The following TAF4B variants were observed in gnomAD, a reference collection of about 807,000 sequenced individuals.
TAF4B encodes the protein transcription initiation factor TFIID subunit 4B.
Under a neutral mutation model 86.4 loss-of-function variants are expected in TAF4B, and 38 were observed. The observed-to-expected ratio is 0.44, with a 90% CI of 0.34 to 0.58. The LOEUF (loss-of-function observed/expected upper bound fraction) is 0.58. Among genes scored for constraint, TAF4B ranks in the 20% least tolerant of loss-of-function variants. The pLI is 0.02. For missense variants in TAF4B, 988 were observed against 1,027.6 expected (o/e 0.96, Z 0.53); for synonymous variants, 388 against 391.2 (o/e 0.99, Z 0.10).
intron 10 of TAF4B, 129 bp from the exon 11 acceptor site, chr18:26,320,941 A>G: frequency 8.7e-7 from 1 of 1,152,352 alleles, no homozygotes; most frequent in South Asian, 1.7e-5. Flanking sequence ...TTTACTAGGA[A>G]AATCATAATC....
At position 26,267,613 on chromosome 18, in the gene TAF4B, C is replaced by T. The variant is rs2056258576; in HGVS notation, c.587C>T (p.Ser196Phe). 6.2e-7 allele frequency: 1 copy of T among 1,612,914 alleles called. No homozygotes were observed. Among genetic ancestry groups the T allele is most frequent in the Non-Finnish European group, 8.5e-7 (1 of 1,178,990 alleles). ...GTGGTAACCACTGTTCCGAAGCCTTCCTCAGTACAAGTAAGTTGTGCTGGC... is the reference window on the plus strand; with the variant it reads ...GTGGTAACCACTGTTCCGAAGCCTTTCTCAGTACAAGTAAGTTGTGCTGGC... Reference protein sequence around the residue: ...TTVVTTVPKPSSVQSVAVPTS... With the variant: ...TTVVTTVPKPFSVQSVAVPTS... The change falls in exon 3 of 15, where the codon TCC (serine) becomes TTC (phenylalanine). Residue 196 changes from serine (S) to phenylalanine (F), a missense_variant. Around this residue, in one of 3 missense-constraint regions of TAF4B, gnomAD observed 747 missense variants for 737.9 expected, o/e 1.01. Transcript: ENST00000269142.
intron 14 of TAF4B, among the ~76,000 whole-genome samples, chr18:26,372,275 G>C (rs2057410620): frequency 6.6e-6 from 1 of 152,318 alleles, no homozygotes; most frequent in Admixed American, 6.5e-5. Flanking sequence ...TTTGAAAAAT[G>C]CAAGAGTGGT....
intron 1 of TAF4B, among the ~76,000 whole-genome samples, chr18:26,239,711 A>C (rs1027709190): frequency 3.6e-4 from 55 of 152,318 alleles, no homozygotes; most frequent in Non-Finnish European, 6.6e-4. Context: ...TAGAGTTTTC[A>C]TGGTTTTAGG....
intron 13 of TAF4B, among the ~76,000 whole-genome samples, chr18:26,354,360 C>T (rs983983223): frequency 3.3e-5 from 5 of 152,222 alleles, no homozygotes; most frequent in Admixed American, 3.3e-4. Flanking sequence ...GGTTTGAGCA[C>T]AGCACCCAGC....
At chr18:26,378,071 A>G (rs2057454692) in intron 14 of TAF4B, among the ~76,000 whole-genome samples, 1 of 152,276 alleles carries the variant, frequency 6.6e-6, no homozygotes, top group African/African-American at 2.4e-5. Flanking sequence ...ACCGTTTTCA[A>G]CTGTACTCCT....
At chr18:26,245,823 T>G (rs1162580131) in intron 1 of TAF4B, among the ~76,000 whole-genome samples, 1 of 152,136 alleles carries the variant, frequency 6.6e-6, no homozygotes, top group Non-Finnish European at 1.5e-5. Flanking sequence ...AATGCTTCAT[T>G]TTTTCAACTG....
rs187704811 is a variant in TAF4B, at chr18:26,274,997, G to A, written c.826G>A (p.Gly276Arg). 9 of 1,612,498 alleles carry A rather than the reference G, an allele frequency of 5.6e-6. No individual in the cohort carries two copies. The highest frequency in any genetic ancestry group is 1.3e-5 in the African/African-American group (1 of 75,002). ...AATGTTAATAAAACTAGCATGTAGTGGATCACAGTCCCCAGAAATGGGGCA... is the reference window on the plus strand; with the variant it reads ...AATGTTAATAAAACTAGCATGTAGTAGATCACAGTCCCCAGAAATGGGGCA... ...LAMLIKLACS[G>R]SQSPEMGQNV... The change falls in exon 5 of 15, where the codon GGA becomes AGA. Residue 276 changes from glycine to arginine, a missense_variant. Transcript: ENST00000269142.
rs959270180 is a variant in TAF4B, at chr18:26,299,969, T to G, written c.1832+6438T>G. Among the ~76,000 whole-genome samples, 3 of 152,162 alleles carry G rather than the reference T, an allele frequency of 2.0e-5. No individual in the cohort carries two copies. In the East Asian group the frequency reaches 5.8e-4, roughly 29 times the overall value. ...TAATGTCTATAAAATATGTAGTCTC[T>G]CTCTTTTTATTAGTAGGCTTTTATC... On this transcript the variant is annotated intron_variant, in intron 9 of 14. Transcript: ENST00000269142.
At chr18:26,370,673 A>C (rs1172515469) in intron 14 of TAF4B, among the ~76,000 whole-genome samples, 24 of 152,156 alleles carry the variant, frequency 1.6e-4, no homozygotes, top group Admixed American at 1.6e-3. Flanking sequence ...CAGTTACCTG[A>C]GGGGATGGTG....
intron 1 of TAF4B, among the ~76,000 whole-genome samples, chr18:26,240,884 C>T (rs540838554): frequency 5.9e-5 from 9 of 152,176 alleles, no homozygotes; most frequent in Middle Eastern, 3.4e-3. Context: ...TACTGGATTA[C>T]GTTTATTGAT....
intron 6 of TAF4B, among the ~76,000 whole-genome samples, chr18:26,285,222 G>GTTTTTGTTT: frequency 6.6e-5 from 3 of 45,654 alleles, no homozygotes; most frequent in African/African-American, 1.3e-4. Context: ...TTTTTTTTTT[G>GTTTTTGTTT]TTTTTTTTTT....
chr18:26,275,651 G>C (rs2056375269), intron 5 of TAF4B, among the ~76,000 whole-genome samples: 1 of 151,956 alleles, frequency 6.6e-6, no homozygotes, highest in Non-Finnish European at 1.5e-5. Flanking sequence ...CATCAGTCTT[G>C]CCTCCCTTAC....
intron 14 of TAF4B, among the ~76,000 whole-genome samples, chr18:26,365,848 G>C (rs1253213766): frequency 1.3e-5 from 2 of 152,104 alleles, no homozygotes; most frequent in African/African-American, 4.8e-5. Flanking sequence ...GGAGAGCAGT[G>C]GTGCGATCTC....
At chr18:26,321,485 A>G (rs1344009686) in intron 11 of TAF4B, among the ~76,000 whole-genome samples, 1 of 150,970 alleles carries the variant, frequency 6.6e-6, no homozygotes, top group African/African-American at 2.4e-5. Context: ...AAGATATGTT[A>G]GAATGGAATA....
intron 1 of TAF4B, among the ~76,000 whole-genome samples, chr18:26,236,487 C>A (rs1266902355): frequency 1.3e-5 from 2 of 152,302 alleles, no homozygotes; most frequent in South Asian, 4.1e-4. Context: ...GTTGGATCAT[C>A]TGGTCGGGGG....
At chr18:26,280,550 A>G (rs776951398) in intron 5 of TAF4B, among the ~76,000 whole-genome samples, 2 of 152,230 alleles carry the variant, frequency 1.3e-5, no homozygotes, top group Non-Finnish European at 2.9e-5. Context: ...AAACATGAAA[A>G]GATGCTCATC....
intron 9 of TAF4B, among the ~76,000 whole-genome samples, chr18:26,311,599 C>T (rs1046471845): frequency 3.9e-5 from 6 of 152,034 alleles, no homozygotes; most frequent in African/African-American, 4.8e-5. Flanking sequence ...CCAGCCTGGG[C>T]GACAAAACGA....
rs570678332 is a variant in TAF4B, at chr18:26,386,420, A to AT, written c.2422-3417dup. On this transcript the variant is annotated intron_variant, in intron 14 of 14. Coordinates refer to ENST00000269142, the MANE Select transcript of TAF4B (RefSeq NM_005640.3). ...GCAAGGTTTTTGGGGTAGCAATTTA[A>AT]TTTTTTTTATTGAAATATAGCATCA... 1.3e-3 allele frequency among the ~76,000 whole-genome samples: 190 copies of AT among 151,534 alleles called. 1 individual carries two copies. The highest frequency in any genetic ancestry group is 4.1e-3 in the African/African-American group (168 of 41,264).
intron 13 of TAF4B, 61 bp from the exon 14 acceptor site, chr18:26,357,629 T>A: frequency 8.4e-7 from 1 of 1,185,372 alleles, no homozygotes; most frequent in Admixed American, 2.2e-5. Context: ...GTAATCAGTT[T>A]CTTTTTCCCT....
Sources: gnomAD v4.1 joint callset for allele counts (sites outside exome capture counted in the v4.1 genomes callset) on GRCh38, gnomAD v4.1.1 for gene constraint, gnomAD v4.1.1 regional missense constraint, MANE v1.5 for transcripts, NCBI Gene and HGNC (gene_info 2026-07-23, HGNC 2026-07-21) for gene names.